Variants in DNAJC9 observed in about 807,000 individuals in gnomAD.
The protein encoded by DNAJC9 is dnaJ homolog subfamily C member 9.
In DNAJC9, 18 loss-of-function variants were observed where a neutral mutation model predicts 32.4. That is an observed-to-expected ratio of 0.56 (90% confidence interval 0.38 to 0.82). The LOEUF is 0.82. Among genes scored for constraint, DNAJC9 ranks in the 40% least tolerant of loss-of-function variants. The pLI is 0.00. For synonymous variants in DNAJC9, 113 were observed against 122.1 expected (o/e 0.93, Z 0.49); for missense variants, 310 against 321.8 (o/e 0.96, Z 0.28).
At chr10:73,240,988 G>C (rs1589202020), downstream of DNAJC9, 1 of 1,521,240 alleles carries the variant, frequency 6.6e-7, no homozygotes, top group East Asian at 2.5e-5. Context: ...AGCGGAGGCA[G>C]ACCAGTCTCT....
chr10:73,247,059 G>C lies in DNAJC9; in HGVS notation c.131C>G (p.Pro44Arg), dbSNP rs767433636. ...GYHKVSLQVH[P>R]DRVGEGDKED... ...CTTGTCGCCCTCACCCACCCGGTCC[G>C]GGTGTACCTGCAGGGACACCTTGTG... Residue 44 changes from proline to arginine, a missense_variant, in exon 1 of 5, where the codon CCG (proline) becomes CGG (arginine). Transcript: ENST00000372950. 2 of 1,580,896 alleles carry C rather than the reference G, an allele frequency of 1.3e-6. No individual in the cohort carries two copies. The highest frequency in any genetic ancestry group is 2.7e-5 in the African/African-American group (2 of 74,088).
At chr10:73,237,564 C>A (rs947701577), downstream of DNAJC9, among the ~76,000 whole-genome samples, 1 of 151,956 alleles carries the variant, frequency 6.6e-6, no homozygotes, top group Non-Finnish European at 1.5e-5. Context: ...GGACTACAGG[C>A]ACCTGCCACC....
downstream of DNAJC9, chr10:73,234,933 G>A (rs182236885): frequency 5.9e-5 from 92 of 1,551,994 alleles, no homozygotes; most frequent in African/African-American, 1.1e-3. Flanking sequence ...GGGCCACAAA[G>A]ACAGATGGTA....
rs2044004970 is a variant in DNAJC9 at position 73,246,133 on chromosome 10, C to A, written c.365G>T (p.Gly122Val). Reference sequence around the variant, plus strand: ...AATATCAGCCAGCTCTTCTTCCGAACCTTTGTATGTCTTTTCAAAAGCTTG... The same window carrying A: ...AATATCAGCCAGCTCTTCTTCCGAAACTTTGTATGTCTTTTCAAAAGCTTG... ...DIQAFEKTYK[G>V]SEEELADIKQ... The change falls in exon 3 of 5, where the codon GGT (glycine) becomes GTT (valine). Residue 122 changes from glycine to valine, a missense_variant. Physicochemically the swap from Gly to Val is moderately radical, Grantham distance 109. Coordinates refer to ENST00000372950, the MANE Select transcript of DNAJC9 (RefSeq NM_015190.5). The A allele has an allele frequency of 6.2e-7, 1 of 1,613,682 alleles. No individual in the cohort carries two copies. Among genetic ancestry groups the A allele is most frequent in the South Asian group, 1.1e-5 (1 of 90,940 alleles).
downstream of DNAJC9, chr10:73,238,873 C>T (rs1318345114): frequency 1.3e-5 from 2 of 152,778 alleles, no homozygotes; most frequent in African/African-American, 4.8e-5. Context: ...TTTCATAATG[C>T]TAAAAAGTAA....
At chr10:73,241,059 G>C, downstream of DNAJC9, 1 of 1,132,276 alleles carries the variant, frequency 8.8e-7, no homozygotes, top group Non-Finnish European at 1.3e-6. Context: ...GGAAACACGA[G>C]ATTTCATGAA....
At chr10:73,235,190 C>T (rs775694417), downstream of DNAJC9, 868 of 1,551,560 alleles carry the variant, frequency 5.6e-4, 2 homozygotes, top group Non-Finnish European at 7.1e-4. Context: ...GTCTCCTCTG[C>T]AGAAACCCCA....
In DNAJC9 at chr10:73,243,330, A is replaced by G; in HGVS notation, c.*70T>C. The G allele has an allele frequency of 6.3e-7, 1 of 1,576,328 alleles. No individual in the cohort carries two copies. Among genetic ancestry groups the G allele is most frequent in the Non-Finnish European group, 8.6e-7 (1 of 1,161,222 alleles). ...AAGAGCTGAATTGACTTTTGCCTTC[A>G]AATCCTGCCTGCACCTTGCCTACGA... On this transcript the variant is annotated 3_prime_UTR_variant, in exon 5 of 5. Transcript: ENST00000372950.
At chr10:73,240,961 G>C (rs963827713), downstream of DNAJC9, 1 of 1,541,814 alleles carries the variant, frequency 6.5e-7, no homozygotes, top group East Asian at 2.5e-5. Context: ...CAGTTACATG[G>C]GTCTACAAAA....
chr10:73,239,454 C>A, downstream of DNAJC9: 1 of 1,123,486 alleles, frequency 8.9e-7, no homozygotes, highest in Non-Finnish European at 1.3e-6. Context: ...TGTCTTTTTT[C>A]CTACACCTAT....
At chr10:73,243,630 T>A in intron 4 of DNAJC9, 111 bp from the exon 5 acceptor site, 1 of 1,407,410 alleles carries the variant, frequency 7.1e-7, no homozygotes, top group Non-Finnish European at 9.7e-7. Context: ...GTATGGAGTT[T>A]TTTTGGAATG....
At chr10:73,234,047 T>C (rs1332488895), downstream of DNAJC9, 1 of 152,214 alleles carries the variant, frequency 6.6e-6, no homozygotes. Context: ...TAGGAGCCAA[T>C]TTTAAACATA....
At chr10:73,239,420 G>T (rs1450830077), downstream of DNAJC9, 1 of 1,498,352 alleles carries the variant, frequency 6.7e-7, no homozygotes, top group Admixed American at 2.0e-5. Flanking sequence ...TTACTACTGT[G>T]TGGTTGTGTT....
At chr10:73,240,320 G>A (rs559903978), downstream of DNAJC9, among the ~76,000 whole-genome samples, 75 of 152,310 alleles carry the variant, frequency 4.9e-4, no homozygotes, top group African/African-American at 1.6e-3. Context: ...TGATTTCTCA[G>A]CTCAGTTCCC....
chr10:73,235,359 G>GA, downstream of DNAJC9: 1 of 1,549,020 alleles, frequency 6.5e-7, no homozygotes, highest in Non-Finnish European at 8.7e-7. Flanking sequence ...GATAGTTGGG[G>GA]AAAGAAAAGG....
downstream of DNAJC9, chr10:73,235,542 A>G (rs1371413819): frequency 1.0e-6 from 1 of 1,004,324 alleles, no homozygotes; most frequent in Non-Finnish European, 1.4e-6. Context: ...ATTCTAAGCA[A>G]TTTAACACTT....
downstream of DNAJC9, among the ~76,000 whole-genome samples, chr10:73,240,358 G>C (rs557113168): frequency 6.6e-6 from 1 of 152,172 alleles, no homozygotes; most frequent in Non-Finnish European, 1.5e-5. Context: ...GTCTTTGAAT[G>C]CTTTTGTCAG....
rs755058510 is a variant in DNAJC9 at position 73,243,542 on chromosome 10, A to C, written c.664-23T>G. ...GCTCTGTTTGAGAAGTTAAAACACA[A>C]GCTTTCACAACATTATCCATAGACA... is the stretch of plus-strand genomic sequence containing the variant. On this transcript the variant is annotated intron_variant, in intron 4 of 4. Transcript: ENST00000372950. 33 of 1,613,492 alleles carry C rather than the reference A, an allele frequency of 2.0e-5. 1 individual carries two copies. In the Middle Eastern group the frequency reaches 8.2e-4, roughly 40 times the overall value.
Position 73,243,915 on chromosome 10 carries a change from G to A in DNAJC9, c.591C>T (p.Ala197=). 1 of 1,613,906 alleles carries A rather than the reference G, an allele frequency of 6.2e-7. No homozygotes were observed. The highest frequency in any genetic ancestry group is 2.2e-5 in the East Asian group (1 of 44,858). Residue 197 remains alanine, a synonymous_variant, in exon 4 of 5, where the codon GCC becomes GCT. Coordinates refer to ENST00000372950, the MANE Select transcript of DNAJC9 (RefSeq NM_015190.5). Reference sequence around the variant, plus strand: ...CCTTTCTGCTCATTTCTGCTTCTTTGGCCTCTTCCTGAGCCTGAAACAGGA... The same window carrying A: ...CCTTTCTGCTCATTTCTGCTTCTTTAGCCTCTTCCTGAGCCTGAAACAGGA... ...NARKRRAQEE[A]KEAEMSRKEL... is the part of the protein sequence containing the mutation.
Sources: allele counts gnomAD v4.1 joint callset (sites outside exome capture counted in the v4.1 genomes callset), GRCh38; gene constraint gnomAD v4.1.1; transcripts MANE v1.5; gene names NCBI Gene and HGNC (gene_info 2026-07-23, HGNC 2026-07-21).